Variants in CCDC9B observed in about 807,000 individuals in gnomAD.
CCDC9B encodes coiled-coil domain-containing protein 9B.
Under a neutral mutation model 47.2 loss-of-function variants are expected in CCDC9B, and 40 were observed. The observed-to-expected ratio is 0.85, with a 90% CI of 0.66 to 1.10. CCDC9B has a LOEUF of 1.10. Ranked by LOEUF, CCDC9B falls within the 50% of genes least tolerant of loss-of-function variation. CCDC9B has a pLI of 0.00. For synonymous variants in CCDC9B, 238 were observed against 250.7 expected (o/e 0.95, Z 0.48); for missense variants, 662 against 651.0 (o/e 1.02, Z -0.18).
intron 4 of CCDC9B, 28 bp from the exon 5 acceptor site, chr15:40,338,688 G>C (rs779163821): frequency 3.1e-6 from 5 of 1,612,824 alleles, no homozygotes; most frequent in African/African-American, 1.3e-5. Flanking sequence ...GGGCAGTGCA[G>C]CAGAGCCAGG....
At position 40,334,471 on chromosome 15, in the gene CCDC9B, T is replaced by A. The variant is rs1256792639; in HGVS notation, c.*687A>T. ...GGTGTGGGGGCCTGGGAGTAAGCTC[T>A]CCCATCCTGCTGTGGGAAGAGGAGG... On this transcript the variant is annotated 3_prime_UTR_variant, in exon 11 of 11. Coordinates refer to ENST00000397536, the MANE Select transcript of CCDC9B (RefSeq NM_207380.3). 6.6e-6 allele frequency: 1 copy of A among 152,138 alleles called. No individual in the cohort carries two copies. The highest frequency in any genetic ancestry group is 6.5e-5 in the Admixed American group (1 of 15,272). 9.4% of individuals were successfully genotyped at this position (152,138 alleles called of 1,614,324 possible).
rs1381662716 is a variant in CCDC9B at position 40,340,848 on chromosome 15, G to C, written c.-29C>G. 1 of 1,609,360 alleles carries C rather than the reference G, an allele frequency of 6.2e-7. No homozygotes were observed. Reference sequence around the variant, plus strand: ...AACGGCGGGCACCGAGAGAATTCCAGAGCAGCCCCTGGGGAGCCAGAGTGG... The same window carrying C: ...AACGGCGGGCACCGAGAGAATTCCACAGCAGCCCCTGGGGAGCCAGAGTGG... On this transcript the variant is annotated 5_prime_UTR_variant, in exon 1 of 11. Transcript: ENST00000397536.
In CCDC9B at chr15:40,335,822, C is replaced by T. The variant is rs887107883; in HGVS notation, c.892G>A (p.Asp298Asn). The T allele has an allele frequency of 1.9e-6, 3 of 1,610,598 alleles. No individual in the cohort carries two copies. Among genetic ancestry groups the T allele is most frequent in the Admixed American group, 1.7e-5 (1 of 59,562 alleles). ...ERLTGRARRWDMKEDKEELEG... is the reference protein window; with the variant it reads ...ERLTGRARRWNMKEDKEELEG... Reference sequence around the variant, plus strand: ...AGCTCCTCCTTGTCTTCCTTCATATCCCACCTGTAGAAACACAGCTCATGG... The same window carrying T: ...AGCTCCTCCTTGTCTTCCTTCATATTCCACCTGTAGAAACACAGCTCATGG... Residue 298 changes from aspartate to asparagine, a missense_variant, in exon 10 of 11, where the codon GAT (aspartate) becomes AAT (asparagine). Physicochemically the swap from Asp to Asn is conservative, Grantham distance 23 (BLOSUM62 1). Transcript: ENST00000397536.
chr15:40,336,942 C>T, intron 7 of CCDC9B, 129 bp from the exon 8 acceptor site: 2 of 857,296 alleles, frequency 2.3e-6, no homozygotes, highest in Middle Eastern at 2.7e-4. Context: ...CCCAAAAGCG[C>T]CCTCGCCTGG....
At chr15:40,337,155 A>C in intron 7 of CCDC9B, 1 of 654,812 alleles carries the variant, frequency 1.5e-6, no homozygotes, top group African/African-American at 1.8e-5. Flanking sequence ...GCTTCCACTG[A>C]GCCTCCTTCT....
At chr15:40,336,378 C>T (rs776899651) in intron 9 of CCDC9B, 196 bp downstream of exon 9, 17 of 985,404 alleles carry the variant, frequency 1.7e-5, no homozygotes, top group Non-Finnish European at 2.0e-5. Context: ...CTGTAATTAC[C>T]ACCAGCCTCC....
intron 7 of CCDC9B, 109 bp from the exon 8 acceptor site, chr15:40,336,922 GT>G: frequency 8.4e-7 from 1 of 1,190,412 alleles, no homozygotes; most frequent in Non-Finnish European, 1.2e-6. Flanking sequence ...CCAGTCGTGG[GT>G]TTTGCCTCCC....
Position 40,331,844 on chromosome 15 carries a change from A to G in CCDC9B, c.*3314T>C, listed in dbSNP as rs768488757. ...GCCTGTGCTTGTTCCACCCGGCCACACTGCCTGTCATCAAAACACATGTCT... is the reference window on the plus strand; with the variant it reads ...GCCTGTGCTTGTTCCACCCGGCCACGCTGCCTGTCATCAAAACACATGTCT... On this transcript the variant is annotated 3_prime_UTR_variant, in exon 11 of 11. Coordinates refer to ENST00000397536, the MANE Select transcript of CCDC9B (RefSeq NM_207380.3). 3.9e-5 allele frequency: 6 copies of G among 152,700 alleles called. No homozygotes were observed. Among genetic ancestry groups the G allele is most frequent in the Admixed American group, 3.9e-4 (6 of 15,302 alleles). 9.5% of individuals were successfully genotyped at this position (152,700 alleles called of 1,614,324 possible).
At chr15:40,337,364 G>C in intron 7 of CCDC9B, 24 bp downstream of exon 7, 1 of 1,609,230 alleles carries the variant, frequency 6.2e-7, no homozygotes, top group Non-Finnish European at 8.5e-7. Flanking sequence ...AAGGAGGGGA[G>C]GGATGAGGTA....
rs750355639 is a variant in CCDC9B at position 40,337,310 on chromosome 15, G to A, written c.742+78C>T. The A allele has an allele frequency of 3.1e-6, 4 of 1,295,594 alleles. No individual in the cohort carries two copies. The South Asian group carries it at 3.6e-5, about 12-fold the overall frequency. 80.3% of individuals were successfully genotyped at this position (1,295,594 alleles called of 1,614,324 possible). The stretch of plus-strand genomic sequence containing the variant: ...CAGCTCTGAAAATAAGAGACTAAGA[G>A]ACAGAGAAAAGAGAGGACAAGGGGG... On this transcript the variant is annotated intron_variant, in intron 7 of 10. Transcript: ENST00000397536.
chr15:40,339,729 G>T (rs1889047692), intron 2 of CCDC9B, 110 bp from the exon 3 acceptor site: 1 of 1,531,058 alleles, frequency 6.5e-7, no homozygotes, highest in Non-Finnish European at 8.8e-7. Context: ...GGGGGCAGAG[G>T]CGCCACATCA....
rs752669032 is a variant in CCDC9B at position 40,338,666 on chromosome 15, G to A, written c.388-6C>T. ...TCACTTACAATCCGTTTGCCCTGGG[G>A]AGGATGAAGATGGGCAGTGCAGCAG... On this transcript the variant is annotated splice_region_variant and splice_polypyrimidine_tract_variant and intron_variant, in intron 4 of 10. Transcript: ENST00000397536. The A allele has an allele frequency of 2.5e-6, 4 of 1,613,896 alleles. No individual in the cohort carries two copies. Among genetic ancestry groups the A allele is most frequent in the Middle Eastern group, 1.6e-4 (1 of 6,082 alleles).
In CCDC9B at chr15:40,337,371, G is replaced by T; in HGVS notation, c.742+17C>A. The T allele has an allele frequency of 6.2e-7, 1 of 1,611,238 alleles. No homozygotes were observed. The highest frequency in any genetic ancestry group is 8.5e-7 in the Non-Finnish European group (1 of 1,177,552). On this transcript the variant is annotated intron_variant, in intron 7 of 10. Coordinates refer to ENST00000397536, the MANE Select transcript of CCDC9B (RefSeq NM_207380.3). Reference sequence around the variant, plus strand: ...ACAAAGCCAAGGAGGGGAGGGATGAGGTAGGTGTGGGCTCACCCCTTCTGC... The same window carrying T: ...ACAAAGCCAAGGAGGGGAGGGATGATGTAGGTGTGGGCTCACCCCTTCTGC...
rs764226569 is a variant in CCDC9B, at chr15:40,339,557, G to A, written c.186C>T (p.Leu62=). The change falls in exon 3 of 11, where the codon CTC becomes CTT. Residue 62 remains leucine (L), a synonymous_variant. Coordinates refer to ENST00000397536, the MANE Select transcript of CCDC9B (RefSeq NM_207380.3). The stretch of plus-strand genomic sequence containing the variant: ...TAACGGTGAGGCCATCAGGCTGGAG[G>A]AGTGCTGGTGTGGTCACAGCCATCC... ...QGGMAVTTPA[L]LQPDGLTVTI... The A allele has an allele frequency of 1.9e-6, 3 of 1,612,770 alleles. No homozygotes were observed. Among genetic ancestry groups the A allele is most frequent in the Non-Finnish European group, 2.5e-6 (3 of 1,178,896 alleles).
chr15:40,336,907 C>G (rs888116621), intron 7 of CCDC9B, 94 bp from the exon 8 acceptor site: 17 of 1,315,538 alleles, frequency 1.3e-5, no homozygotes, highest in Non-Finnish European at 2.1e-6. Context: ...TGTCAGTCCT[C>G]GGGGCCAGTC....
intron 9 of CCDC9B, chr15:40,336,210 A>G (rs1019245154): frequency 1.2e-5 from 12 of 985,040 alleles, no homozygotes; most frequent in Non-Finnish European, 1.4e-5. Context: ...AAATCCAACT[A>G]TTTCCTCTGA....
At position 40,339,041 on chromosome 15, in the gene CCDC9B, G is replaced by A. The variant is rs769382706; in HGVS notation, c.232-138C>T. ...CCCACAGAAGAGCTGACTCCCACAG[G>A]GTGTTCACATGCCAATGGCATGAGG... On this transcript the variant is annotated intron_variant, in intron 3 of 10. Coordinates refer to ENST00000397536, the MANE Select transcript of CCDC9B (RefSeq NM_207380.3). 49 of 970,190 alleles carry A rather than the reference G, an allele frequency of 5.1e-5. No homozygotes were observed. The African/African-American group carries it at 7.2e-4, about 14-fold the overall frequency. 60.1% of individuals were successfully genotyped at this position (970,190 alleles called of 1,614,324 possible).
rs1039306341 is a variant in CCDC9B at position 40,333,132 on chromosome 15, T to C, written c.*2026A>G. 1 of 151,998 alleles carries C rather than the reference T, an allele frequency of 6.6e-6. No homozygotes were observed. Among genetic ancestry groups the C allele is most frequent in the African/African-American group, 2.4e-5 (1 of 41,336 alleles). 9.4% of individuals were successfully genotyped at this position (151,998 alleles called of 1,614,324 possible). A position where few individuals can be genotyped will look rare whatever the true frequency, so the allele number is the denominator to read the frequency against. On this transcript the variant is annotated 3_prime_UTR_variant, in exon 11 of 11. Coordinates refer to ENST00000397536, the MANE Select transcript of CCDC9B (RefSeq NM_207380.3). ...ACCTGACAGGGGTAGCACTCCCCCATCCCCTACATAGCCAGCCACCAACCT... is the reference window on the plus strand; with the variant it reads ...ACCTGACAGGGGTAGCACTCCCCCACCCCCTACATAGCCAGCCACCAACCT...
At chr15:40,337,308 G>C (rs1285496691) in intron 7 of CCDC9B, 80 bp downstream of exon 7, 1 of 1,281,462 alleles carries the variant, frequency 7.8e-7, no homozygotes, top group Admixed American at 1.7e-5. Flanking sequence ...AAGAGACTAA[G>C]AGACAGAGAA....
Sources: gnomAD v4.1 joint callset for allele counts on GRCh38, gnomAD v4.1.1 for gene constraint, MANE v1.5 for transcripts, NCBI Gene and HGNC (gene_info 2026-07-23, HGNC 2026-07-21) for gene names.